LPAR1: variants seen among roughly 807,000 people sequenced by gnomAD.
LPAR1 encodes the protein lysophosphatidic acid receptor 1.
A neutral mutation model predicts 23.8 loss-of-function variants in LPAR1; 5 were observed. The observed-to-expected ratio is 0.21, with a 90% CI of 0.11 to 0.44. LPAR1 has a LOEUF of 0.44. LPAR1 is among the 20% of genes least tolerant of loss of function. The pLI is 0.99. For missense variants in LPAR1, 311 were observed against 482.8 expected (o/e 0.64, Z 3.33); for synonymous variants, 160 against 164.7 (o/e 0.97, Z 0.22).
At chr9:110,931,431 C>T (rs192491279) in intron 5 of LPAR1, among the ~76,000 whole-genome samples, 1 of 152,284 alleles carries the variant, frequency 6.6e-6, no homozygotes, top group East Asian at 1.9e-4. Context: ...GTCTAGAAGA[C>T]TTCAATGCAT....
chr9:110,894,950 A>G (rs1441773714), intron 5 of LPAR1, among the ~76,000 whole-genome samples: 3 of 152,136 alleles, frequency 2.0e-5, no homozygotes, highest in Admixed American at 1.3e-4. Context: ...CCCAGGAGGT[A>G]AAGGCTGCAG....
chr9:110,931,061 T>C (rs1437765280), intron 5 of LPAR1, among the ~76,000 whole-genome samples: 1 of 152,234 alleles, frequency 6.6e-6, no homozygotes, highest in East Asian at 1.9e-4. Context: ...GCTATTGTCA[T>C]AGCTAAGTGA....
chr9:110,959,318 G>A (rs929858312), intron 4 of LPAR1, among the ~76,000 whole-genome samples: 3 of 150,430 alleles, frequency 2.0e-5, no homozygotes, highest in Non-Finnish European at 2.9e-5. Flanking sequence ...GAGGAAAGGA[G>A]GAAAGGAAGA....
At chr9:110,900,616 T>TA (rs1294004325) in intron 5 of LPAR1, among the ~76,000 whole-genome samples, 2 of 152,216 alleles carry the variant, frequency 1.3e-5, no homozygotes, top group Admixed American at 6.5e-5. Context: ...CTTTTAATGT[T>TA]ACAGTTTCTG....
intron 2 of LPAR1, among the ~76,000 whole-genome samples, chr9:111,011,594 C>CT (rs2097332571): frequency 6.6e-6 from 1 of 152,210 alleles, no homozygotes; most frequent in African/African-American, 2.4e-5. Flanking sequence ...TTTCTTTCCT[C>CT]TGTCTCATAA....
intron 2 of LPAR1, among the ~76,000 whole-genome samples, chr9:111,023,215 G>T (rs2097598901): frequency 6.6e-6 from 1 of 152,080 alleles, no homozygotes; most frequent in Non-Finnish European, 1.5e-5. Flanking sequence ...CAAACAGGAA[G>T]GCCTACTAAG....
intron 2 of LPAR1, among the ~76,000 whole-genome samples, chr9:111,027,942 A>G (rs932190976): frequency 1.1e-4 from 16 of 151,328 alleles, no homozygotes; most frequent in Admixed American, 4.6e-4. Flanking sequence ...ATGACTAAAC[A>G]TAATTAGGTA....
intron 4 of LPAR1, among the ~76,000 whole-genome samples, chr9:110,950,637 A>C (rs143519417): frequency 1.4e-4 from 21 of 152,258 alleles, no homozygotes; most frequent in African/African-American, 4.8e-4. Context: ...TCCTATAAAA[A>C]TACCAGAAAA....
intron 5 of LPAR1, among the ~76,000 whole-genome samples, chr9:110,912,598 T>G (rs549350892): frequency 2.6e-5 from 4 of 152,194 alleles, no homozygotes; most frequent in Non-Finnish European, 5.9e-5. Flanking sequence ...ATTTTATTAA[T>G]GGAGATAGTG....
Position 111,024,839 on chromosome 9 carries a change from T to C in LPAR1, c.-182+11283A>G, listed in dbSNP as rs185842702. On this transcript the variant is annotated intron_variant, in intron 2 of 5. Transcript: ENST00000683809. ...TCTTGTGTTAGTTTGCTGAGAATGA[T>C]GGTTTCCAGCTTCATCCAAGTCCCC... 4.6e-5 allele frequency among the ~76,000 whole-genome samples: 7 copies of C among 152,226 alleles called. No individual in the cohort carries two copies. In the East Asian group the frequency reaches 1.3e-3, roughly 29 times the overall value.
chr9:110,955,648 T>G (rs2095712330), intron 4 of LPAR1, among the ~76,000 whole-genome samples: 1 of 151,168 alleles, frequency 6.6e-6, no homozygotes, highest in East Asian at 1.9e-4. Flanking sequence ...GTTCCCAGAA[T>G]AGACCACATA....
At chr9:110,914,785 G>C (rs924821616) in intron 5 of LPAR1, among the ~76,000 whole-genome samples, 1 of 147,788 alleles carries the variant, frequency 6.8e-6, no homozygotes, top group Non-Finnish European at 1.5e-5. Context: ...GACTCAAGGG[G>C]GGAAAAAAAG....
At chr9:110,900,055 AT>A (rs1354473148) in intron 5 of LPAR1, among the ~76,000 whole-genome samples, 1 of 152,220 alleles carries the variant, frequency 6.6e-6, no homozygotes, top group African/African-American at 2.4e-5. Context: ...ACTTATTTGT[AT>A]TCGTTTTCTA....
intron 5 of LPAR1, among the ~76,000 whole-genome samples, chr9:110,916,128 A>G (rs1479027858): frequency 6.6e-6 from 1 of 152,254 alleles, no homozygotes; most frequent in East Asian, 1.9e-4. Flanking sequence ...TGCAATAGCC[A>G]GTATCTACTG....
chr9:110,909,536 T>C (rs552322562), intron 5 of LPAR1, among the ~76,000 whole-genome samples: 2 of 152,266 alleles, frequency 1.3e-5, no homozygotes, highest in East Asian at 3.9e-4. Flanking sequence ...ATTACATTTT[T>C]TAGAAATTGA....
At chr9:110,967,835 G>A (rs2096273408) in intron 4 of LPAR1, among the ~76,000 whole-genome samples, 1 of 152,172 alleles carries the variant, frequency 6.6e-6, no homozygotes, top group African/African-American at 2.4e-5. Context: ...CATATAATTA[G>A]GAGGCCCATC....
intron 5 of LPAR1, among the ~76,000 whole-genome samples, chr9:110,914,377 G>A (rs1459421268): frequency 1.3e-5 from 2 of 152,148 alleles, no homozygotes; most frequent in East Asian, 1.9e-4. Context: ...CAAGCAAGAG[G>A]GAGAATGAGA....
At position 110,905,925 on chromosome 9, in the gene LPAR1, C is replaced by A. The variant is rs569391686; in HGVS notation, c.794-30203G>T. 2.0e-5 allele frequency among the ~76,000 whole-genome samples: 3 copies of A among 152,214 alleles called. 1 individual carries two copies. The highest frequency in any genetic ancestry group is 4.2e-4 in the South Asian group (2 of 4,818). On this transcript the variant is annotated intron_variant, in intron 5 of 5. Transcript: ENST00000683809. ...CATTTGTGAAAAGGATATGGTAATACCTAATTTACAGCAGTGCTATAAGAA... is the reference window on the plus strand; with the variant it reads ...CATTTGTGAAAAGGATATGGTAATAACTAATTTACAGCAGTGCTATAAGAA...
chr9:110,882,699 G>C (rs188994959), intron 5 of LPAR1, among the ~76,000 whole-genome samples: 1 of 152,262 alleles, frequency 6.6e-6, no homozygotes, highest in East Asian at 1.9e-4. Flanking sequence ...AGCAATTTCC[G>C]GACAACTTCT....
Sources: allele counts gnomAD v4.1 joint callset (sites outside exome capture counted in the v4.1 genomes callset), GRCh38; gene constraint gnomAD v4.1.1; transcripts MANE v1.5; gene names NCBI Gene and HGNC (gene_info 2026-07-23, HGNC 2026-07-21).